Variants in CTSC observed in about 807,000 individuals in gnomAD.
CTSC encodes the protein dipeptidyl peptidase 1.
In CTSC, 37 loss-of-function variants were observed where a neutral mutation model predicts 40.9. The ratio of observed to expected loss-of-function variants is 0.91; its 90% CI spans 0.70 to 1.19. The LOEUF is 1.19. Ranked by LOEUF, CTSC falls within the 50% of genes most tolerant of loss-of-function variation. The probability of loss-of-function intolerance (pLI) is 0.00; values close to 1 mark genes in which losing one functional copy is unlikely to be tolerated. For missense variants in CTSC, 594 were observed against 567.3 expected, an observed-to-expected ratio of 1.05 and a Z score of -0.48; for synonymous variants, 232 against 207.4, an observed-to-expected ratio of 1.12 and a Z score of -1.02.
rs577984818 is a variant in CTSC, at chr11:88,299,162, T to C, written c.757+1368A>G. ...ACTATAGTATCAGTAGCTCAAATTA[T>C]ATCATGCCAATGCTATCATGTGCCA... is the stretch of plus-strand genomic sequence containing the variant. On this transcript the variant is annotated intron_variant, in intron 5 of 6. Coordinates refer to ENST00000227266, the MANE Select transcript of CTSC (RefSeq NM_001814.6). 3.9e-5 allele frequency: 6 copies of C among 152,298 alleles called. No homozygotes were observed. In the South Asian group the frequency reaches 1.0e-3, roughly 26 times the overall value. The allele number at this position is 152,298 out of a possible 1,614,324, so 9.4% of individuals were successfully genotyped here.
At chr11:88,298,791 T>A (rs1377207789) in intron 5 of CTSC, 4 of 152,134 alleles carry the variant, frequency 2.6e-5, no homozygotes, top group Non-Finnish European at 4.4e-5. Flanking sequence ...ATAAAGAACA[T>A]GGGAGAAAAT....
chr11:88,308,472 ATTATT>A (rs59621344), intron 4 of CTSC, among the ~76,000 whole-genome samples: 44,939 of 150,278 alleles, frequency 0.3, 8,606 homozygotes, highest in East Asian at 0.55. Flanking sequence ...TATTTTATTT[ATTATT>A]TTATTTTATT....
intron 4 of CTSC, among the ~76,000 whole-genome samples, chr11:88,303,381 T>A (rs562113978): frequency 6.6e-6 from 1 of 152,318 alleles, no homozygotes; most frequent in East Asian, 1.9e-4. Flanking sequence ...CCCTAGGTTG[T>A]TTACCTGTGC....
intron 4 of CTSC, among the ~76,000 whole-genome samples, chr11:88,302,026 C>T (rs1358577833): frequency 2.6e-5 from 4 of 152,164 alleles, no homozygotes; most frequent in Non-Finnish European, 1.5e-5. Flanking sequence ...AAGTAGCCTC[C>T]ACTCACCAGC....
intron 4 of CTSC, among the ~76,000 whole-genome samples, chr11:88,302,078 A>C (rs371266215): frequency 6.6e-6 from 1 of 152,002 alleles, no homozygotes; most frequent in Non-Finnish European, 1.5e-5. Context: ...TGCTCCTTCA[A>C]ATTTGTTTTT....
intron 2 of CTSC, among the ~76,000 whole-genome samples, chr11:88,327,147 C>T (rs1938215686): frequency 6.6e-6 from 1 of 152,194 alleles, no homozygotes; most frequent in Admixed American, 6.5e-5. Context: ...TTACTAATTT[C>T]AACCCTAATG....
chr11:88,314,668 C>T (rs1442630882), intron 2 of CTSC, among the ~76,000 whole-genome samples: 2 of 152,184 alleles, frequency 1.3e-5, no homozygotes, highest in African/African-American at 2.4e-5. Flanking sequence ...GCTGCGACTA[C>T]AGGCATGTGC....
chr11:88,321,580 A>C (rs932387587), intron 2 of CTSC: 1 of 151,450 alleles, frequency 6.6e-6, no homozygotes, highest in Non-Finnish European at 1.5e-5. Flanking sequence ...ACAGCTTCCA[A>C]CTCCATCCAT....
chr11:88,308,169 A>G (rs528723205), intron 4 of CTSC, among the ~76,000 whole-genome samples: 13 of 152,184 alleles, frequency 8.5e-5, no homozygotes, highest in Admixed American at 3.9e-4. Context: ...CTTCCACTTA[A>G]ATATTCCTGG....
chr11:88,316,863 C>T (rs555277206), intron 2 of CTSC, among the ~76,000 whole-genome samples: 3 of 152,292 alleles, frequency 2.0e-5, no homozygotes, highest in African/African-American at 7.2e-5. Context: ...GCAAATGTTC[C>T]TCTCCAAAGC....
intron 2 of CTSC, chr11:88,328,295 A>G: frequency 1.2e-6 from 1 of 817,242 alleles, no homozygotes; most frequent in Non-Finnish European, 2.1e-6. Context: ...TCAGTGCTAA[A>G]CTTCTGATAC....
Position 88,300,580 on chromosome 11 carries a change from T to C in CTSC, c.707A>G (p.Asp236Gly). 3 of 1,613,912 alleles carry C rather than the reference T, an allele frequency of 1.9e-6. No homozygotes were observed. The highest frequency in any genetic ancestry group is 2.5e-6 in the Non-Finnish European group (3 of 1,179,794). The change falls in exon 5 of 7, where the codon GAC (aspartate) becomes GGC (glycine). Residue 236 changes from aspartate to glycine, a missense_variant. Transcript: ENST00000227266. The stretch of plus-strand genomic sequence containing the variant: ...ATTGATACCATGAACATTTCTCCAG[T>C]CCCAAGATGTTGGCAAATGCAAAAT... Reference protein sequence around the residue: ...QKILHLPTSWDWRNVHGINFV... With the variant: ...QKILHLPTSWGWRNVHGINFV...
intron 4 of CTSC, among the ~76,000 whole-genome samples, chr11:88,304,601 G>A (rs1049137498): frequency 1.1e-4 from 17 of 152,172 alleles, no homozygotes; most frequent in African/African-American, 3.6e-4. Context: ...CTACTGGGCT[G>A]CATTCCCAGA....
chr11:88,312,840 G>C (rs1248271707), intron 2 of CTSC, among the ~76,000 whole-genome samples: 1 of 152,126 alleles, frequency 6.6e-6, no homozygotes, highest in Admixed American at 6.5e-5. Flanking sequence ...AGACCATCTG[G>C]CATATTCAAG....
In CTSC at chr11:88,302,585, C is replaced by T. The variant is rs188543810; in HGVS notation, c.642-1940G>A. Among the ~76,000 whole-genome samples, 19 of 134,448 alleles carry T rather than the reference C, an allele frequency of 1.4e-4. 1 individual carries two copies. In the East Asian group the frequency reaches 4.2e-3, roughly 30 times the overall value. The allele number at this position is 134,448 out of a possible 152,430, so 88.2% of individuals were successfully genotyped here. A position where few individuals can be genotyped will look rare whatever the true frequency, so the allele number is the denominator to read the frequency against. ...AGCTTGCAGTGAGCCGAGATTGCAC[C>T]ACTGCACTCCAGCCCGGGTGACAGA... is the stretch of plus-strand genomic sequence containing the variant. On this transcript the variant is annotated intron_variant, in intron 4 of 6. Coordinates refer to ENST00000227266, the MANE Select transcript of CTSC (RefSeq NM_001814.6).
chr11:88,316,769 G>C (rs1228129073), intron 2 of CTSC, among the ~76,000 whole-genome samples: 1 of 152,142 alleles, frequency 6.6e-6, no homozygotes, highest in Non-Finnish European at 1.5e-5. Context: ...ACTGAGAATA[G>C]GTAAGTTTAT....
At chr11:88,303,453 G>A (rs1937600714) in intron 4 of CTSC, among the ~76,000 whole-genome samples, 1 of 152,168 alleles carries the variant, frequency 6.6e-6, no homozygotes, top group Non-Finnish European at 1.5e-5. Context: ...CAATTAATTT[G>A]CTAGAGTGAC....
chr11:88,312,343 A>G, intron 3 of CTSC, 45 bp downstream of exon 3: 1 of 1,583,574 alleles, frequency 6.3e-7, no homozygotes, highest in South Asian at 1.1e-5. Flanking sequence ...ATTCATATAT[A>G]CTATAAAACA....
chr11:88,326,326 C>T, intron 2 of CTSC: 5 of 1,613,672 alleles, frequency 3.1e-6, no homozygotes, highest in Non-Finnish European at 4.2e-6. Flanking sequence ...TGCTAGAGGC[C>T]TTTGCTAGCT....
Sources: gnomAD v4.1 joint callset for allele counts (sites outside exome capture counted in the v4.1 genomes callset) on GRCh38, gnomAD v4.1.1 for gene constraint, MANE v1.5 for transcripts, NCBI Gene and HGNC (gene_info 2026-07-23, HGNC 2026-07-21) for gene names.